The following PIP4P2 variants were observed in gnomAD, a reference collection of about 807,000 sequenced individuals.
PIP4P2 encodes the protein type 2 phosphatidylinositol 4,5-bisphosphate 4-phosphatase.
Under a neutral mutation model 33.3 loss-of-function variants are expected in PIP4P2, and 19 were observed. The ratio of observed to expected loss-of-function variants is 0.57; its 90% CI spans 0.40 to 0.84. The LOEUF is 0.84. Ranked by LOEUF, PIP4P2 falls within the 40% of genes least tolerant of loss-of-function variation. The probability of loss-of-function intolerance (pLI) is 0.00; values close to 1 mark genes in which losing one functional copy is unlikely to be tolerated. For synonymous variants in PIP4P2, 110 were observed against 111.9 expected (o/e 0.98, Z 0.11); for missense variants, 270 against 324.7 (o/e 0.83, Z 1.29).
rs1386386836 is a variant in PIP4P2 at position 91,040,829 on chromosome 8, T to TGCTGCCGCTGCTGCCGCTGCA, written c.-101_-81dup. The TGCTGCCGCTGCTGCCGCTGCA allele has an allele frequency of 2.8e-4, 325 of 1,151,442 alleles. 2 individuals are homozygous for TGCTGCCGCTGCTGCCGCTGCA. In the African/African-American group the frequency reaches 4.1e-3, roughly 15 times the overall value. The allele number at this position is 1,151,442 out of a possible 1,614,324, so 71.3% of individuals were successfully genotyped here. On this transcript the variant is annotated 5_prime_UTR_variant, in exon 1 of 7. Coordinates refer to ENST00000285419, the MANE Select transcript of PIP4P2 (RefSeq NM_018710.3). ...GAGTGGTGGCTACTGCTGCTGCCTCTGCTGCCGCTGCTGCCGCTGCAGCTG... is the reference window on the plus strand; with the variant it reads ...GAGTGGTGGCTACTGCTGCTGCCTCTGCTGCCGCTGCTGCCGCTGCAGCTGCCGCTGCTGCCGCTGCAGCTG...
chr8:91,034,201 T>C lies in PIP4P2; in HGVS notation c.106+6443A>G, dbSNP rs867621702. ...ACTGTATGTATCTCTCACAGGAATG[T>C]AAGCTCTCCAGCATCTGGAATACTG... On this transcript the variant is annotated intron_variant, in intron 1 of 6. Coordinates refer to ENST00000285419, the MANE Select transcript of PIP4P2 (RefSeq NM_018710.3). Among the ~76,000 whole-genome samples, 7 of 152,306 alleles carry C rather than the reference T, an allele frequency of 4.6e-5. No homozygotes were observed. The South Asian group carries it at 8.3e-4, about 18-fold the overall frequency.
rs1175360186 is a variant in PIP4P2 at position 91,018,413 on chromosome 8, C to G, written c.463G>C (p.Gly155Arg). Reference sequence around the variant, plus strand: ...ACCAGGAATGTGTTTCCACAGTGCCCACACACGACCCTTGTACCTTCTGGT... The same window carrying G: ...ACCAGGAATGTGTTTCCACAGTGCCGACACACGACCCTTGTACCTTCTGGT... Reference protein sequence around the residue: ...IQPEGTRVVCGHCGNTFLWME... With the variant: ...IQPEGTRVVCRHCGNTFLWME... The change falls in exon 4 of 7, where the codon GGG becomes CGG. Residue 155 changes from glycine (G) to arginine (R), a missense_variant. Physicochemically the swap from Gly to Arg is moderately radical, Grantham distance 125 (BLOSUM62 -2). Transcript: ENST00000285419. 1 of 1,613,958 alleles carries G rather than the reference C, an allele frequency of 6.2e-7. No homozygotes were observed. Among genetic ancestry groups the G allele is most frequent in the Non-Finnish European group, 8.5e-7 (1 of 1,179,904 alleles).
chr8:91,024,486 T>C, intron 1 of PIP4P2: 1 of 278,412 alleles, frequency 3.6e-6, no homozygotes, highest in Non-Finnish European at 7.2e-6. Flanking sequence ...CACTTTGGCA[T>C]AATCATAGCT....
At chr8:90,997,709 C>T (rs1811646915) in intron 5 of PIP4P2, among the ~76,000 whole-genome samples, 1 of 152,052 alleles carries the variant, frequency 6.6e-6, no homozygotes, top group African/African-American at 2.4e-5. Flanking sequence ...GTGAATGACA[C>T]AGAAGTATCT....
In PIP4P2 at chr8:90,995,800, T is replaced by C; in HGVS notation, c.651A>G (p.Ala217=). The C allele has an allele frequency of 6.2e-7, 1 of 1,605,916 alleles. No homozygotes were observed. The highest frequency in any genetic ancestry group is 1.3e-5 in the African/African-American group (1 of 74,604). Residue 217 remains alanine, a synonymous_variant, in exon 7 of 7, where the codon GCA becomes GCG. Coordinates refer to ENST00000285419, the MANE Select transcript of PIP4P2 (RefSeq NM_018710.3). ...AAACATAGGTTGCTCGAAATCGCCT[T>C]GCAAAATCTGGGGTGCCAACCTAAA... The part of the protein sequence containing the change: ...VGLTVGTPDF[A]RRFRATYVSW...
intron 1 of PIP4P2, among the ~76,000 whole-genome samples, chr8:91,031,738 T>G (rs1267698135): frequency 1.3e-5 from 2 of 152,210 alleles, no homozygotes; most frequent in African/African-American, 2.4e-5. Context: ...TAATCTTCAA[T>G]ATATTATCTT....
intron 1 of PIP4P2, among the ~76,000 whole-genome samples, chr8:91,031,109 T>C (rs1257707544): frequency 6.6e-6 from 1 of 152,262 alleles, no homozygotes; most frequent in African/African-American, 2.4e-5. Flanking sequence ...GTTTTAATAA[T>C]GACCTATGTC....
rs113270183 is a variant in PIP4P2, at chr8:91,022,962, T to C, written c.107-1558A>G. Among the ~76,000 whole-genome samples the C allele has an allele frequency of 7.2e-3, 1,090 of 152,230 alleles. 10 individuals carry two copies. The highest frequency in any genetic ancestry group is 0.012 in the Non-Finnish European group (782 of 67,988). Reference sequence around the variant, plus strand: ...AAGAAGCTGTACATGTCTTAAATTATAAAAATAATTTTAAATCCATGAAAA... The same window carrying C: ...AAGAAGCTGTACATGTCTTAAATTACAAAAATAATTTTAAATCCATGAAAA... On this transcript the variant is annotated intron_variant, in intron 1 of 6. Coordinates refer to ENST00000285419, the MANE Select transcript of PIP4P2 (RefSeq NM_018710.3).
At chr8:91,011,558 A>G (rs536948092) in intron 4 of PIP4P2, among the ~76,000 whole-genome samples, 1 of 152,198 alleles carries the variant, frequency 6.6e-6, no homozygotes, top group South Asian at 2.1e-4. Flanking sequence ...ATACAATGGT[A>G]TATGCTAAAA....
Position 91,000,006 on chromosome 8 carries a change from CTTTCA to C in PIP4P2, c.540-3267_540-3263del, listed in dbSNP as rs1463629502. On this transcript the variant is annotated intron_variant, in intron 5 of 6. Transcript: ENST00000285419. ...GACTTCTTTTATATTGACCATGACTCTTTCATTTCATTTTCCTCTTATTATTCTGA... is the reference window on the plus strand; with the variant it reads ...GACTTCTTTTATATTGACCATGACTCTTTCATTTTCCTCTTATTATTCTGA... 3.9e-5 allele frequency among the ~76,000 whole-genome samples: 6 copies of C among 151,924 alleles called. No homozygotes were observed. In the South Asian group the frequency reaches 6.2e-4, roughly 16 times the overall value.
chr8:91,011,019 G>GAGATAGATAGATAGAT (rs3084284), intron 4 of PIP4P2, among the ~76,000 whole-genome samples: 288 of 145,354 alleles, frequency 2.0e-3, no homozygotes, highest in Admixed American at 3.6e-3. Context: ...GTATCTTACT[G>GAGATAGATAGATAGAT]AGATAGATAG....
intron 5 of PIP4P2, among the ~76,000 whole-genome samples, chr8:91,000,076 T>C (rs921928629): frequency 6.6e-6 from 1 of 152,022 alleles, no homozygotes; most frequent in African/African-American, 2.4e-5. Flanking sequence ...CAGTTGCACT[T>C]AAAATTTTAA....
chr8:91,010,382 G>A lies in PIP4P2; in HGVS notation c.487-1587C>T, dbSNP rs1010664641. Among the ~76,000 whole-genome samples, 21 of 151,956 alleles carry A rather than the reference G, an allele frequency of 1.4e-4. No homozygotes were observed. In the Middle Eastern group the frequency reaches 0.01, roughly 74 times the overall value. ...GAGTAACTCAAAATCCAAGACTTAA[G>A]GCTAACAGACTGACATAGGAATTTC... is the stretch of plus-strand genomic sequence containing the variant. On this transcript the variant is annotated intron_variant, in intron 4 of 6. Transcript: ENST00000285419.
chr8:91,038,547 C>A (rs1336083687), intron 1 of PIP4P2, among the ~76,000 whole-genome samples: 1 of 152,056 alleles, frequency 6.6e-6, no homozygotes, highest in African/African-American at 2.4e-5. Flanking sequence ...ACAATATAGT[C>A]TTCATGAGGG....
chr8:91,009,576 G>A (rs972603808), intron 4 of PIP4P2, among the ~76,000 whole-genome samples: 1 of 151,684 alleles, frequency 6.6e-6, no homozygotes, highest in African/African-American at 2.4e-5. Flanking sequence ...ATTTCTTTAA[G>A]TACTTTGGCA....
chr8:91,017,897 T>G (rs1811941511), intron 4 of PIP4P2, among the ~76,000 whole-genome samples: 1 of 152,224 alleles, frequency 6.6e-6, no homozygotes, highest in Non-Finnish European at 1.5e-5. Flanking sequence ...ACTTTCTTAT[T>G]CTTTATCTAA....
Position 91,007,953 on chromosome 8 carries a change from A to G in PIP4P2, c.539+790T>C, listed in dbSNP as rs142334080. 1.8e-3 allele frequency among the ~76,000 whole-genome samples: 275 copies of G among 152,276 alleles called. 2 individuals are homozygous for G. Among genetic ancestry groups the G allele is most frequent in the African/African-American group, 6.3e-3 (262 of 41,558 alleles). On this transcript the variant is annotated intron_variant, in intron 5 of 6. Coordinates refer to ENST00000285419, the MANE Select transcript of PIP4P2 (RefSeq NM_018710.3). ...AGCCTCCTGGTAGACAACATGGTAC[A>G]TGCATGGTAATAATTCACTGCTGGG...
At chr8:91,002,532 C>T (rs1202282715) in intron 5 of PIP4P2, among the ~76,000 whole-genome samples, 2 of 152,142 alleles carry the variant, frequency 1.3e-5, no homozygotes, top group Non-Finnish European at 2.9e-5. Flanking sequence ...CTTTACATTA[C>T]AATTTTCAGA....
At chr8:91,031,146 A>T (rs1379712503) in intron 1 of PIP4P2, among the ~76,000 whole-genome samples, 2 of 152,230 alleles carry the variant, frequency 1.3e-5, no homozygotes, top group East Asian at 3.8e-4. Flanking sequence ...AGCAAATCCA[A>T]ATACGACTTT....
Sources: gnomAD v4.1 joint callset for allele counts (sites outside exome capture counted in the v4.1 genomes callset) on GRCh38, gnomAD v4.1.1 for gene constraint, MANE v1.5 for transcripts, NCBI Gene and HGNC (gene_info 2026-07-23, HGNC 2026-07-21) for gene names.